Variants in CDC34 observed in about 807,000 individuals in gnomAD.
CDC34 encodes ubiquitin-conjugating enzyme E2 R1.
CDC34 carries 18 observed loss-of-function variants against 26.8 expected under a neutral mutation model. The observed-to-expected ratio is 0.67, with a 90% CI of 0.47 to 1.00. The LOEUF (loss-of-function observed/expected upper bound fraction) is 1.00. Ranked by LOEUF, CDC34 falls within the 50% of genes least tolerant of loss-of-function variation. CDC34 has a pLI of 0.00. For missense variants in CDC34, 280 were observed against 334.5 expected (o/e 0.84, Z 1.27); for synonymous variants, 178 against 147.5 (o/e 1.21, Z -1.50).
At position 537,119 on chromosome 19, in the gene CDC34, A is replaced by G. The variant is rs1979791943; in HGVS notation, c.469A>G (p.Lys157Glu). 5.0e-6 allele frequency: 8 copies of G among 1,613,490 alleles called. No individual in the cohort carries two copies. ...MYRKWKESKG[K>E]DREYTDIIRK... ...CAGGAAGTGGAAAGAGAGCAAGGGG[A>G]AGGATCGGGAGTACACAGACATCAT... Residue 157 changes from lysine to glutamate, a missense_variant, in exon 4 of 5, where the codon AAG (lysine) becomes GAG (glutamate). Lys to Glu is a moderately conservative substitution (Grantham distance 56, BLOSUM62 1). Transcript: ENST00000215574.
chr19:532,681 G>A (rs755597506), intron 1 of CDC34, among the ~76,000 whole-genome samples: 3 of 152,358 alleles, frequency 2.0e-5, no homozygotes, highest in African/African-American at 4.8e-5. Context: ...ACAAAGGCCC[G>A]GATGAGCCTT....
chr19:540,803 CCGGTTTA>C (rs1568332368), intron 4 of CDC34, among the ~76,000 whole-genome samples: 714 of 49,064 alleles, frequency 0.015, 46 homozygotes, highest in Middle Eastern at 0.018. Context: ...GCCAGGCCCC[CCGGTTTA>C]GAATCCGGAG....
intron 4 of CDC34, 42 bp from the exon 5 acceptor site, chr19:541,297 C>A: frequency 6.7e-7 from 1 of 1,491,374 alleles, no homozygotes; most frequent in Non-Finnish European, 8.9e-7. Flanking sequence ...GGGGCCGAGT[C>A]CAGGCACGTG....
Position 541,968 on chromosome 19 carries a change from T to C in CDC34, c.*416T>C, listed in dbSNP as rs1041974438. 9 of 161,112 alleles carry C rather than the reference T, an allele frequency of 5.6e-5. No individual in the cohort carries two copies. The highest frequency in any genetic ancestry group is 2.2e-4 in the African/African-American group (9 of 41,740). 10.0% of individuals were successfully genotyped at this position (161,112 alleles called of 1,614,324 possible). ...AGGTGTAGCGGTCCGAGGGGCCCGG[T>C]CCTGCCTGTCAGCTCCAGGTCCTGG... On this transcript the variant is annotated 3_prime_UTR_variant, in exon 5 of 5. Coordinates refer to ENST00000215574, the MANE Select transcript of CDC34 (RefSeq NM_004359.2).
intron 1 of CDC34, 122 bp downstream of exon 1, chr19:532,230 G>T: frequency 1.3e-6 from 1 of 745,632 alleles, no homozygotes; most frequent in South Asian, 2.4e-5. Context: ...CTCCTGGCTT[G>T]GGCTCGTTTC....
chr19:539,777 G>A (rs915897033), intron 4 of CDC34, among the ~76,000 whole-genome samples: 5 of 152,204 alleles, frequency 3.3e-5, no homozygotes, highest in Non-Finnish European at 7.4e-5. Context: ...TGCCACCCCC[G>A]GAAGCCCCTT....
At chr19:541,259 G>T in intron 4 of CDC34, 80 bp from the exon 5 acceptor site, 2 of 1,449,462 alleles carry the variant, frequency 1.4e-6, no homozygotes, top group Non-Finnish European at 1.8e-6. Context: ...TGGGGTGAGC[G>T]TCGGACCTGG....
In CDC34 at chr19:531,843, C is replaced by T. The variant is rs1249064471; in HGVS notation, c.-89C>T. 11 of 827,138 alleles carry T rather than the reference C, an allele frequency of 1.3e-5. No homozygotes were observed. The highest frequency in any genetic ancestry group is 5.2e-5 in the East Asian group (1 of 19,376). The allele number at this position is 827,138 out of a possible 1,614,324, so 51.2% of individuals were successfully genotyped here. A position where few individuals can be genotyped will look rare whatever the true frequency, so the allele number is the denominator to read the frequency against. On this transcript the variant is annotated 5_prime_UTR_variant, in exon 1 of 5. Transcript: ENST00000215574. ...GGCGGCGGCCCCGGTGGCTCCCCCC[C>T]GGACGGTGCGCGGCCCGGCCCGTCT...
At position 536,827 on chromosome 19, in the gene CDC34, G is replaced by A. The variant is rs1198412545; in HGVS notation, c.363-186G>A. On this transcript the variant is annotated intron_variant, in intron 3 of 4. Transcript: ENST00000215574. ...TGCCCTCCCTGGTCTTGGCGTGGGA[G>A]GGAGGAGACTGATGCAGGTCCAGCC... The A allele has an allele frequency of 9.3e-6, 6 of 642,468 alleles. No homozygotes were observed. The East Asian group carries it at 1.6e-4, about 17-fold the overall frequency. 39.8% of individuals were successfully genotyped at this position (642,468 alleles called of 1,614,324 possible). A position where few individuals can be genotyped will look rare whatever the true frequency, so the allele number is the denominator to read the frequency against.
Position 532,096 on chromosome 19 carries a change from C to T in CDC34, c.165C>T (p.Gly55=), listed in dbSNP as rs1314350724. 22 of 1,514,454 alleles carry T rather than the reference C, an allele frequency of 1.5e-5. No homozygotes were observed. The highest frequency in any genetic ancestry group is 7.5e-5 in the Admixed American group (3 of 39,916). 93.8% of individuals were successfully genotyped at this position (1,514,454 alleles called of 1,614,324 possible). Residue 55 remains glycine (G), a synonymous_variant, in exon 1 of 5, where the codon GGC becomes GGT. Transcript: ENST00000215574. ...GGCCCCCCAACACCTACTACGAGGG[C>T]GGCTACTTCAAGGTGAGCGCGGCGA... is the stretch of plus-strand genomic sequence containing the variant. ...IFGPPNTYYE[G]GYFKARLKFP...
chr19:536,623 G>A (rs775658460), intron 3 of CDC34: 5 of 554,648 alleles, frequency 9.0e-6, no homozygotes, highest in African/African-American at 1.9e-5. Flanking sequence ...CTCAGTCCTG[G>A]GGCCTTCTCC....
chr19:535,277 C>G (rs547222172), intron 1 of CDC34, among the ~76,000 whole-genome samples: 1 of 152,376 alleles, frequency 6.6e-6, no homozygotes, highest in Admixed American at 6.5e-5. Context: ...CCCCCAAGAC[C>G]GGACACCTGA....
intron 4 of CDC34, chr19:538,744 C>T (rs1476350150): frequency 4.1e-6 from 4 of 985,308 alleles, no homozygotes; most frequent in South Asian, 4.7e-5. Flanking sequence ...GGGGTCATCT[C>T]GGGGCAGCAT....
At chr19:537,624 T>C (rs1004812179) in intron 4 of CDC34, among the ~76,000 whole-genome samples, 2 of 146,834 alleles carry the variant, frequency 1.4e-5, no homozygotes, top group African/African-American at 5.0e-5. Context: ...AGTGCAGGGA[T>C]TACAGGCGTG....
At chr19:537,510 G>A (rs1242574778) in intron 4 of CDC34, among the ~76,000 whole-genome samples, 1 of 152,022 alleles carries the variant, frequency 6.6e-6, no homozygotes, top group Non-Finnish European at 1.5e-5. Context: ...CCGTCACCAC[G>A]CCCGGCTAAT....
rs1349265891 is a variant in CDC34, at chr19:535,738, G to A, written c.178-99G>A. 3 of 897,986 alleles carry A rather than the reference G, an allele frequency of 3.3e-6. No individual in the cohort carries two copies. The Admixed American group carries it at 5.1e-5, about 15-fold the overall frequency. 55.6% of individuals were successfully genotyped at this position (897,986 alleles called of 1,614,324 possible). A position where few individuals can be genotyped will look rare whatever the true frequency, so the allele number is the denominator to read the frequency against. ...ACGGTGTCCCTCACACACACCCTCA[G>A]GCACCAGCACTGGGAGTGGGATGGC... On this transcript the variant is annotated intron_variant, in intron 1 of 4. Transcript: ENST00000215574.
chr19:534,985 AC>A (rs1421380814), intron 1 of CDC34, among the ~76,000 whole-genome samples: 9 of 152,196 alleles, frequency 5.9e-5, no homozygotes, highest in South Asian at 2.1e-4. Context: ...TGCCACCAGG[AC>A]CCCTGACCCA....
intron 4 of CDC34, chr19:538,984 T>A: frequency 1.0e-6 from 1 of 985,214 alleles, no homozygotes; most frequent in Non-Finnish European, 1.2e-6. Context: ...AGGCACCACC[T>A]CCTTGAGATC....
chr19:538,298 T>A (rs1158300284), intron 4 of CDC34, among the ~76,000 whole-genome samples: 1 of 152,090 alleles, frequency 6.6e-6, no homozygotes, highest in African/African-American at 2.4e-5. Context: ...TACCGGCGCC[T>A]TCTGTACCTG....
Sources: gnomAD v4.1 joint callset for allele counts (sites outside exome capture counted in the v4.1 genomes callset) on GRCh38, gnomAD v4.1.1 for gene constraint, MANE v1.5 for transcripts, NCBI Gene and HGNC (gene_info 2026-07-23, HGNC 2026-07-21) for gene names.